The following CCNI variants were observed in gnomAD, a reference collection of about 807,000 sequenced individuals.
CCNI encodes cyclin-I.
A neutral mutation model predicts 34.1 loss-of-function variants in CCNI; 14 were observed. That is an observed-to-expected ratio of 0.41 (90% confidence interval 0.27 to 0.64). CCNI has a LOEUF of 0.64. CCNI is among the 30% of genes least tolerant of loss of function. The probability of loss-of-function intolerance (pLI) is 0.31; values close to 1 mark genes in which losing one functional copy is unlikely to be tolerated. For synonymous variants in CCNI, 154 were observed against 158.4 expected, an observed-to-expected ratio of 0.97 and a Z score of 0.21; for missense variants, 385 against 440.5, an observed-to-expected ratio of 0.87 and a Z score of 1.13.
Position 77,066,386 on chromosome 4 carries a change from AC to A in CCNI, c.-25del, listed in dbSNP as rs1282185265. ...ATGATATCCTTTGGATCTGCCTGCT[AC>A]CCAGCTTGCTGTAGCTACCTACAGA... On this transcript the variant is annotated 5_prime_UTR_variant, in exon 2 of 7. An upstream open reading frame in the 5' UTR gains an earlier in-frame stop. Coordinates refer to ENST00000237654, the MANE Select transcript of CCNI (RefSeq NM_006835.3). The A allele has an allele frequency of 6.2e-7, 1 of 1,613,432 alleles. No homozygotes were observed. The highest frequency in any genetic ancestry group is 2.2e-5 in the East Asian group (1 of 44,864).
chr4:77,060,265 G>A (rs1728515564), intron 2 of CCNI, among the ~76,000 whole-genome samples: 1 of 152,132 alleles, frequency 6.6e-6, no homozygotes, highest in Admixed American at 6.6e-5. Flanking sequence ...ATAACTAAAT[G>A]ACATAACTAA....
intron 1 of CCNI, among the ~76,000 whole-genome samples, chr4:77,070,255 G>T (rs1461215428): frequency 6.6e-6 from 1 of 151,704 alleles, no homozygotes; most frequent in Non-Finnish European, 1.5e-5. Context: ...GACCTCAAGT[G>T]ATCTGCCTGC....
chr4:77,074,030 C>T (rs1716019752), intron 1 of CCNI, among the ~76,000 whole-genome samples: 1 of 152,118 alleles, frequency 6.6e-6, no homozygotes, highest in Non-Finnish European at 1.5e-5. Context: ...TTACTACACC[C>T]CCATTTCAGC....
rs995283972 is a variant in CCNI, at chr4:77,048,164, C to T, written c.*55G>A. The T allele has an allele frequency of 7.2e-7, 1 of 1,395,990 alleles. No homozygotes were observed. Among genetic ancestry groups the T allele is most frequent in the Admixed American group, 1.9e-5 (1 of 53,616 alleles). The allele number at this position is 1,395,990 out of a possible 1,614,324, so 86.5% of individuals were successfully genotyped here. ...ACAGCCTTTCCTGATTTTGCATGTTCTCATTCCCAAAGTAGTCTACCTTAG... is the reference window on the plus strand; with the variant it reads ...ACAGCCTTTCCTGATTTTGCATGTTTTCATTCCCAAAGTAGTCTACCTTAG... On this transcript the variant is annotated 3_prime_UTR_variant, in exon 7 of 7. Coordinates refer to ENST00000237654, the MANE Select transcript of CCNI (RefSeq NM_006835.3).
At position 77,048,370 on chromosome 4, in the gene CCNI, A is replaced by T. The variant is rs754850688; in HGVS notation, c.983T>A (p.Met328Lys). 6.2e-7 allele frequency: 1 copy of T among 1,614,096 alleles called. No individual in the cohort carries two copies. The highest frequency in any genetic ancestry group is 8.5e-7 in the Non-Finnish European group (1 of 1,180,012). The change falls in exon 7 of 7, where the codon ATG becomes AAG. Residue 328 changes from methionine to lysine, a missense_variant. Physicochemically the swap from Met to Lys is moderately conservative, Grantham distance 95. Coordinates refer to ENST00000237654, the MANE Select transcript of CCNI (RefSeq NM_006835.3). ...TCCATCATAGAAGTCATCCACTTCC[A>T]TTTCCTCTACTTTGCGTTTAGTAGA... ...QTSTKRKVEE[M>K]EVDDFYDGIK...
At chr4:77,048,754 G>A in intron 6 of CCNI, 92 bp from the exon 7 acceptor site, 2 of 882,412 alleles carry the variant, frequency 2.3e-6, no homozygotes, top group Non-Finnish European at 3.3e-6. Flanking sequence ...TCCTCCCTGT[G>A]CTTTCCGTCC....
Position 77,056,065 on chromosome 4 carries a change from A to C in CCNI, c.356T>G (p.Phe119Cys). Residue 119 changes from phenylalanine to cysteine, a missense_variant, in exon 5 of 7, where the codon TTC (phenylalanine) becomes TGC (cysteine). Physicochemically the swap from Phe to Cys is radical, Grantham distance 205. Coordinates refer to ENST00000237654, the MANE Select transcript of CCNI (RefSeq NM_006835.3). ...PVLKVLARDS[F>C]CGCSSSEILR... Reference sequence around the variant, plus strand: ...AATTTCAGATGAGGAACATCCACAGAAACTGTCTCTTGCCAATACCTTTAG... The same window carrying C: ...AATTTCAGATGAGGAACATCCACAGCAACTGTCTCTTGCCAATACCTTTAG... The C allele has an allele frequency of 6.2e-7, 1 of 1,613,900 alleles. No individual in the cohort carries two copies. Among genetic ancestry groups the C allele is most frequent in the Non-Finnish European group, 8.5e-7 (1 of 1,179,824 alleles).
chr4:77,072,452 C>CAA (rs11327592), intron 1 of CCNI, among the ~76,000 whole-genome samples: 765 of 62,078 alleles, frequency 0.012, 3 homozygotes, highest in African/African-American at 0.032. Flanking sequence ...CTGTCTCCAC[C>CAA]AAAAAAAAAA....
chr4:77,067,820 G>A lies in CCNI; in HGVS notation c.-43-1415C>T, dbSNP rs1057132139. ...AAAAAAAAAAAAAAAAAAAAAAAAA[G>A]AAGCAAACTACAGACTTGAGGTTTG... On this transcript the variant is annotated intron_variant, in intron 1 of 6. Transcript: ENST00000237654. Among the ~76,000 whole-genome samples the A allele has an allele frequency of 7.6e-3, 762 of 99,810 alleles. 9 individuals are homozygous for A. The highest frequency in any genetic ancestry group is 0.012 in the Middle Eastern group (2 of 166). 65.5% of individuals were successfully genotyped at this position (99,810 alleles called of 152,430 possible). A position where few individuals can be genotyped will look rare whatever the true frequency, so the allele number is the denominator to read the frequency against.
intron 1 of CCNI, among the ~76,000 whole-genome samples, chr4:77,070,482 T>C (rs1729377455): frequency 6.6e-6 from 1 of 151,334 alleles, no homozygotes; most frequent in South Asian, 2.1e-4. Context: ...TTCTTTTTTT[T>C]TTTTTTTTTT....
chr4:77,067,545 G>C (rs935260985), intron 1 of CCNI, among the ~76,000 whole-genome samples: 12 of 152,050 alleles, frequency 7.9e-5, no homozygotes, highest in African/African-American at 2.2e-4. Context: ...CCAGGTTAGA[G>C]TACAGTGGTG....
Position 77,070,996 on chromosome 4 carries a change from C to T in CCNI, c.-44+4476G>A, listed in dbSNP as rs186863026. Among the ~76,000 whole-genome samples, 13 of 152,318 alleles carry T rather than the reference C, an allele frequency of 8.5e-5. No individual in the cohort carries two copies. The East Asian group carries it at 1.3e-3, about 16-fold the overall frequency. On this transcript the variant is annotated intron_variant, in intron 1 of 6. Coordinates refer to ENST00000237654, the MANE Select transcript of CCNI (RefSeq NM_006835.3). Reference sequence around the variant, plus strand: ...CCTTAAAACTTTAATAATTCTTTCACGCCATTAGCTACAACCAAATGGATC... The same window carrying T: ...CCTTAAAACTTTAATAATTCTTTCATGCCATTAGCTACAACCAAATGGATC...
Position 77,058,689 on chromosome 4 carries a change from G to A in CCNI, c.115-54C>T, listed in dbSNP as rs1307174309. On this transcript the variant is annotated intron_variant, in intron 2 of 6. Coordinates refer to ENST00000237654, the MANE Select transcript of CCNI (RefSeq NM_006835.3). ...GACAAAGTTTGAGCTATCATCAAGA[G>A]TATGTTTAGAATTCTCTCTCATAAA... The A allele has an allele frequency of 9.9e-6, 15 of 1,516,046 alleles. No individual in the cohort carries two copies. The Admixed American group carries it at 1.1e-4, about 11-fold the overall frequency. The allele number at this position is 1,516,046 out of a possible 1,614,324, so 93.9% of individuals were successfully genotyped here. A position where few individuals can be genotyped will look rare whatever the true frequency, so the allele number is the denominator to read the frequency against.
chr4:77,058,443 G>A lies in CCNI; in HGVS notation c.243+64C>T, dbSNP rs1163080366. 4.6e-6 allele frequency: 6 copies of A among 1,290,576 alleles called. No individual in the cohort carries two copies. In the Admixed American group the frequency reaches 1.3e-4, roughly 27 times the overall value. 79.9% of individuals were successfully genotyped at this position (1,290,576 alleles called of 1,614,324 possible). A position where few individuals can be genotyped will look rare whatever the true frequency, so the allele number is the denominator to read the frequency against. ...CTACCTTACAGAATGTTCACTAATA[G>A]CCTCTAGTTTAGCATACATACACTC... On this transcript the variant is annotated intron_variant, in intron 3 of 6. Transcript: ENST00000237654.
rs4252775 is a variant in CCNI, at chr4:77,074,421, T to C, written c.-44+1051A>G. Among the ~76,000 whole-genome samples, 1,142 of 152,350 alleles carry C rather than the reference T, an allele frequency of 7.5e-3. 20 individuals carry two copies. The highest frequency in any genetic ancestry group is 0.027 in the African/African-American group (1,116 of 41,576). On this transcript the variant is annotated intron_variant, in intron 1 of 6. Transcript: ENST00000237654. ...TCTATTTCATCTGCCACAAATGACC[T>C]GGAAAAGCTAGCAGCAGATAACACT...
chr4:77,068,231 T>C (rs62302339), intron 1 of CCNI, among the ~76,000 whole-genome samples: 12,578 of 152,232 alleles, frequency 0.083, 683 homozygotes, highest in Non-Finnish European at 0.12. Context: ...GCTGGATTTG[T>C]TGAAAGGTAA....
chr4:77,048,498 T>A lies in CCNI; in HGVS notation c.855A>T (p.Pro285=), dbSNP rs528587463. The change falls in exon 7 of 7, where the codon CCA becomes CCT. Residue 285 remains proline, a synonymous_variant. Coordinates refer to ENST00000237654, the MANE Select transcript of CCNI (RefSeq NM_006835.3). ...GVFRLHPSSV[P]GPDFSKDNSK... is the part of the protein sequence containing the mutation. Reference sequence around the variant, plus strand: ...TGTTGTCCTTGGAGAAGTCTGGGCCTGGGACAGAGGAGGGATGTAATCTGA... The same window carrying A: ...TGTTGTCCTTGGAGAAGTCTGGGCCAGGGACAGAGGAGGGATGTAATCTGA... 43 of 1,613,996 alleles carry A rather than the reference T, an allele frequency of 2.7e-5. No homozygotes were observed. The highest frequency in any genetic ancestry group is 3.6e-5 in the Non-Finnish European group (42 of 1,180,008).
intron 1 of CCNI, among the ~76,000 whole-genome samples, chr4:77,071,378 C>T (rs183925013): frequency 1.3e-5 from 2 of 152,100 alleles, no homozygotes; most frequent in African/African-American, 4.8e-5. Flanking sequence ...TAAATTAATA[C>T]CTGAAAATGC....
intron 1 of CCNI, chr4:77,074,742 A>G (rs1421149546): frequency 6.6e-6 from 1 of 152,234 alleles, no homozygotes; most frequent in Non-Finnish European, 1.5e-5. Flanking sequence ...ACAGAATAAA[A>G]CATAAACATT....
Sources: allele counts gnomAD v4.1 joint callset (sites outside exome capture counted in the v4.1 genomes callset), GRCh38; gene constraint gnomAD v4.1.1; transcripts MANE v1.5; gene names NCBI Gene and HGNC (gene_info 2026-07-23, HGNC 2026-07-21).